PIK3R3: variants seen among roughly 807,000 people sequenced by gnomAD.
PIK3R3 encodes the protein phosphatidylinositol 3-kinase regulatory subunit gamma.
Under a neutral mutation model 62.9 loss-of-function variants are expected in PIK3R3, and 64 were observed. That is an observed-to-expected ratio of 1.02 (90% CI 0.83 to 1.25). The LOEUF (loss-of-function observed/expected upper bound fraction) is 1.25, where lower values mean the gene tolerates loss of function less well. Ranked by LOEUF, PIK3R3 falls within the 50% of genes most tolerant of loss-of-function variation. PIK3R3 has a pLI of 0.00. For missense variants in PIK3R3, 614 were observed against 561.6 expected, an observed-to-expected ratio of 1.09 and a Z score of -0.94; for synonymous variants, 165 against 189.0, an observed-to-expected ratio of 0.87 and a Z score of 1.04.
chr1:46,167,355 G>A, the PIK3R3 span, among the ~76,000 whole-genome samples: 338 of 152,366 alleles, frequency 2.2e-3, 4 homozygotes, highest in African/African-American at 7.6e-3. Flanking sequence ...AAATGGGGCA[G>A]TGGGGAGGAA....
At chr1:46,079,694 C>T (rs1650392869) in intron 2 of PIK3R3, among the ~76,000 whole-genome samples, 1 of 152,172 alleles carries the variant, frequency 6.6e-6, no homozygotes, top group Non-Finnish European at 1.5e-5. Flanking sequence ...TGGCTTACAC[C>T]TGTAATCCCA....
At position 46,066,319 on chromosome 1, in the gene PIK3R3, C is replaced by CT. The variant is rs577746930; in HGVS notation, c.496-141dup. 21 of 623,344 alleles carry CT rather than the reference C, an allele frequency of 3.4e-5. 1 individual carries two copies. The South Asian group carries it at 4.0e-4, about 12-fold the overall frequency. The allele number at this position is 623,344 out of a possible 1,614,324, so 38.6% of individuals were successfully genotyped here. On this transcript the variant is annotated intron_variant, in intron 4 of 9. Coordinates refer to ENST00000262741, the MANE Select transcript of PIK3R3 (RefSeq NM_003629.4). Reference sequence around the variant, plus strand: ...ATTTCAACTGTACAACTTTAAGCCACTGTATTAATATCAAGCACACAAATG... The same window carrying CT: ...ATTTCAACTGTACAACTTTAAGCCACTTGTATTAATATCAAGCACACAAATG...
At chr1:46,119,727 G>C (rs1654492889) in intron 1 of PIK3R3, among the ~76,000 whole-genome samples, 2 of 150,080 alleles carry the variant, frequency 1.3e-5, no homozygotes, top group African/African-American at 2.4e-5. Flanking sequence ...CCTTGGCCTT[G>C]TAAGTAGCTG....
chr1:46,141,467 C>T, the PIK3R3 span, among the ~76,000 whole-genome samples: 2 of 151,740 alleles, frequency 1.3e-5, no homozygotes, highest in Admixed American at 6.6e-5. Flanking sequence ...GATGGGGTTT[C>T]ACCATCTTGG....
At chr1:46,151,440 A>G in the PIK3R3 span, among the ~76,000 whole-genome samples, 1 of 152,164 alleles carries the variant, frequency 6.6e-6, no homozygotes, top group East Asian at 1.9e-4. Context: ...CCTCTTTTGC[A>G]GGTTGAAGAC....
chr1:46,110,275 C>CTT (rs35873858), intron 1 of PIK3R3, among the ~76,000 whole-genome samples: 29 of 71,214 alleles, frequency 4.1e-4, no homozygotes, highest in Non-Finnish European at 5.1e-4. Flanking sequence ...CCAGGCTTGG[C>CTT]TTTTTTTTTT....
chr1:46,171,930 C>A, the PIK3R3 span, among the ~76,000 whole-genome samples: 1 of 152,122 alleles, frequency 6.6e-6, no homozygotes, highest in African/African-American at 2.4e-5. Context: ...AAACTCAGGG[C>A]TAGAGGAAGA....
chr1:46,136,127 G>A (rs1324006730), upstream of PIK3R3, among the ~76,000 whole-genome samples: 1 of 149,594 alleles, frequency 6.7e-6, no homozygotes, highest in African/African-American at 2.5e-5. Context: ...TTAGACTTTG[G>A]GTAGGGATTC....
the PIK3R3 span, chr1:46,138,842 T>A: frequency 1.3e-5 from 2 of 152,228 alleles, no homozygotes; most frequent in Non-Finnish European, 2.9e-5. Context: ...TTGAAAATGA[T>A]ACACTTACAG....
intron 5 of PIK3R3, among the ~76,000 whole-genome samples, chr1:46,063,612 A>G (rs1396655741): frequency 3.3e-5 from 5 of 152,202 alleles, no homozygotes; most frequent in African/African-American, 1.2e-4. Flanking sequence ...TGATATCACT[A>G]CTAAGTCAGC....
intron 1 of PIK3R3, among the ~76,000 whole-genome samples, chr1:46,081,937 T>C (rs1319735728): frequency 1.3e-5 from 2 of 151,868 alleles, no homozygotes; most frequent in African/African-American, 4.8e-5. Context: ...TCAATACAAA[T>C]AATAATAGTA....
At chr1:46,094,627 G>A (rs1433667157) in intron 1 of PIK3R3, among the ~76,000 whole-genome samples, 4 of 152,184 alleles carry the variant, frequency 2.6e-5, no homozygotes, top group Non-Finnish European at 5.9e-5. Flanking sequence ...CTGACTATTT[G>A]GCATCCAGCA....
intron 1 of PIK3R3, among the ~76,000 whole-genome samples, chr1:46,116,886 G>C (rs1386377324): frequency 2.0e-5 from 3 of 152,038 alleles, no homozygotes; most frequent in Non-Finnish European, 4.4e-5. Context: ...AACAACCTGA[G>C]TCTGGAGCTC....
chr1:46,132,408 G>A lies in PIK3R3; in HGVS notation c.-456C>T. 1.7e-6 allele frequency: 2 copies of A among 1,144,496 alleles called. No homozygotes were observed. The highest frequency in any genetic ancestry group is 2.2e-6 in the Non-Finnish European group (2 of 920,000). 70.9% of individuals were successfully genotyped at this position (1,144,496 alleles called of 1,614,324 possible). The stretch of plus-strand genomic sequence containing the variant: ...GTGACAAAGGAAGGCAAAAAAGGGG[G>A]CTGGAGATTGCGTTCAAGTTTCGGG... On this transcript the variant is annotated 5_prime_UTR_variant, in exon 1 of 10. Transcript: ENST00000262741.
In PIK3R3 at chr1:46,045,900, T is replaced by C. The variant is rs373732746; in HGVS notation, c.1187+18A>G. Reference sequence around the variant, plus strand: ...ATGCAAAAGATTTCAAAAGGTTATATCCCCAGAGAAGACTTACACCACAGA... The same window carrying C: ...ATGCAAAAGATTTCAAAAGGTTATACCCCCAGAGAAGACTTACACCACAGA... On this transcript the variant is annotated intron_variant, in intron 9 of 9. Transcript: ENST00000262741. The C allele has an allele frequency of 6.3e-7, 1 of 1,597,284 alleles. No homozygotes were observed. Among genetic ancestry groups the C allele is most frequent in the Non-Finnish European group, 8.6e-7 (1 of 1,167,542 alleles).
chr1:46,092,691 A>G (rs1651751517), intron 1 of PIK3R3, among the ~76,000 whole-genome samples: 1 of 152,044 alleles, frequency 6.6e-6, no homozygotes, highest in Admixed American at 6.6e-5. Context: ...CACTTACTCC[A>G]ATAATCCCAG....
intron 1 of PIK3R3, among the ~76,000 whole-genome samples, chr1:46,093,758 G>A (rs183735388): frequency 7.2e-5 from 11 of 151,830 alleles, no homozygotes; most frequent in Non-Finnish European, 5.9e-5. Context: ...GGGAGGCTGA[G>A]GCAGGAGAAT....
intron 1 of PIK3R3, among the ~76,000 whole-genome samples, chr1:46,130,325 G>GT (rs1349512809): frequency 5.9e-5 from 9 of 152,122 alleles, no homozygotes; most frequent in African/African-American, 2.2e-4. Context: ...TATGACAAAT[G>GT]TATCTAACAT....
intron 1 of PIK3R3, among the ~76,000 whole-genome samples, chr1:46,111,438 T>A (rs148463829): frequency 6.6e-6 from 1 of 151,990 alleles, no homozygotes; most frequent in South Asian, 2.1e-4. Context: ...GAAAAGGGCA[T>A]GTTTTAGGCT....
Sources: gnomAD v4.1 joint callset for allele counts (sites outside exome capture counted in the v4.1 genomes callset) on GRCh38, gnomAD v4.1.1 for gene constraint, MANE v1.5 for transcripts, NCBI Gene and HGNC (gene_info 2026-07-23, HGNC 2026-07-21) for gene names.